TSPAN2: variants seen among roughly 807,000 people sequenced by gnomAD.
TSPAN2 encodes the protein tetraspanin-2.
Under a neutral mutation model 33.3 loss-of-function variants are expected in TSPAN2, and 24 were observed. That is an observed-to-expected ratio of 0.72 (90% CI 0.52 to 1.01). The LOEUF is 1.01. TSPAN2 is among the 50% of genes least tolerant of loss of function. The pLI is 0.00. For synonymous variants in TSPAN2, 114 were observed against 104.5 expected (o/e 1.09, Z -0.56); for missense variants, 278 against 281.3 (o/e 0.99, Z 0.08).
At chr1:115,058,805 T>C (rs1647539972) in intron 5 of TSPAN2, 78 bp downstream of exon 5, 1 of 1,233,004 alleles carries the variant, frequency 8.1e-7, no homozygotes, top group African/African-American at 1.5e-5. Flanking sequence ...TTATTTTTAA[T>C]CCTGGTGATT....
chr1:115,086,068 TC>T (rs1648820641), intron 1 of TSPAN2, among the ~76,000 whole-genome samples: 1 of 152,130 alleles, frequency 6.6e-6, no homozygotes, highest in South Asian at 2.1e-4. Flanking sequence ...TATATACTAT[TC>T]CCCACCAAGA....
intron 1 of TSPAN2, among the ~76,000 whole-genome samples, chr1:115,083,143 T>C (rs1474619997): frequency 6.6e-6 from 1 of 152,208 alleles, no homozygotes; most frequent in Non-Finnish European, 1.5e-5. Flanking sequence ...ATTCTCTCTT[T>C]AATTCCTTAG....
At chr1:115,080,100 A>C (rs1246991011) in intron 1 of TSPAN2, among the ~76,000 whole-genome samples, 1 of 152,172 alleles carries the variant, frequency 6.6e-6, no homozygotes, top group Non-Finnish European at 1.5e-5. Flanking sequence ...AGGGGAAGGA[A>C]ACTAACTTGG....
At chr1:115,085,784 C>T (rs1648809592) in intron 1 of TSPAN2, among the ~76,000 whole-genome samples, 1 of 152,092 alleles carries the variant, frequency 6.6e-6, no homozygotes, top group African/African-American at 2.4e-5. Flanking sequence ...CATGAGGTGC[C>T]TGTTTCAGTT....
intron 1 of TSPAN2, among the ~76,000 whole-genome samples, chr1:115,073,874 C>A (rs1648291140): frequency 6.6e-6 from 1 of 151,978 alleles, no homozygotes; most frequent in East Asian, 1.9e-4. Context: ...GTTGGAAGCC[C>A]TTTCTGCCAT....
At chr1:115,081,996 T>G (rs1316425176) in intron 1 of TSPAN2, among the ~76,000 whole-genome samples, 3 of 152,254 alleles carry the variant, frequency 2.0e-5, no homozygotes, top group Non-Finnish European at 4.4e-5. Flanking sequence ...TAAGACCCCA[T>G]AAGAGAAAAA....
At chr1:115,066,732 C>A (rs1647966339) in intron 2 of TSPAN2, among the ~76,000 whole-genome samples, 1 of 151,980 alleles carries the variant, frequency 6.6e-6, no homozygotes, top group South Asian at 2.1e-4. Context: ...CTTCAGTATC[C>A]CCTGAATGCA....
chr1:115,073,517 A>G (rs546840144), intron 1 of TSPAN2, among the ~76,000 whole-genome samples: 1 of 133,870 alleles, frequency 7.5e-6, no homozygotes, highest in East Asian at 2.5e-4. Flanking sequence ...CAACCTCAGA[A>G]CCCACCCACA....
intron 1 of TSPAN2, among the ~76,000 whole-genome samples, chr1:115,084,967 C>A (rs1395131553): frequency 6.6e-6 from 1 of 152,208 alleles, no homozygotes; most frequent in African/African-American, 2.4e-5. Context: ...TCCTGTGGGT[C>A]AGTAACGCTG....
At chr1:115,086,803 CT>C (rs1329509075) in intron 1 of TSPAN2, among the ~76,000 whole-genome samples, 1 of 152,118 alleles carries the variant, frequency 6.6e-6, no homozygotes, top group Admixed American at 6.5e-5. Context: ...CAGAATGGGT[CT>C]CAAATTTGAG....
rs1553219714 is a variant in TSPAN2 at position 115,079,140 on chromosome 1, CA to C, written c.70-6134del. ...TGAACACAATACAATTATAGCGCCA[CA>C]CACACACACACACACACACACACAC... On this transcript the variant is annotated intron_variant, in intron 1 of 7. Coordinates refer to ENST00000369516, the MANE Select transcript of TSPAN2 (RefSeq NM_005725.6). Among the ~76,000 whole-genome samples the C allele has an allele frequency of 9.7e-4, 40 of 41,138 alleles. 1 individual carries two copies. The highest frequency in any genetic ancestry group is 2.1e-3 in the African/African-American group (36 of 16,846). 27.0% of individuals were successfully genotyped at this position (41,138 alleles called of 152,430 possible). A position where few individuals can be genotyped will look rare whatever the true frequency, so the allele number is the denominator to read the frequency against.
In TSPAN2 at chr1:115,060,320, C is replaced by T. The variant is rs1647663708; in HGVS notation, c.345+144G>A. On this transcript the variant is annotated intron_variant, in intron 4 of 7. Transcript: ENST00000369516. The stretch of plus-strand genomic sequence containing the variant: ...CTGCACACTCATATACATATATGCT[C>T]AGTTCTGCACACCACTTCTAAGTTA... The T allele has an allele frequency of 1.4e-5, 9 of 639,038 alleles. No homozygotes were observed. The South Asian group carries it at 1.9e-4, about 13-fold the overall frequency. 39.6% of individuals were successfully genotyped at this position (639,038 alleles called of 1,614,324 possible).
At chr1:115,068,553 T>C (rs1341476849) in intron 2 of TSPAN2, among the ~76,000 whole-genome samples, 1 of 152,188 alleles carries the variant, frequency 6.6e-6, no homozygotes, top group Non-Finnish European at 1.5e-5. Flanking sequence ...GGCTGATTTA[T>C]CTGGAACCTA....
rs1357737068 is a variant in TSPAN2, at chr1:115,049,666, AC to A, written c.*823del. On this transcript the variant is annotated 3_prime_UTR_variant, in exon 8 of 8. Coordinates refer to ENST00000369516, the MANE Select transcript of TSPAN2 (RefSeq NM_005725.6). The stretch of plus-strand genomic sequence containing the variant: ...GAGGATGTGAGGGTTGCAGTAGTTT[AC>A]AGCAGGGTCAGAAAATGAAAGTAAT... 6.6e-6 allele frequency: 1 copy of A among 152,614 alleles called. No homozygotes were observed. The highest frequency in any genetic ancestry group is 1.5e-5 in the Non-Finnish European group (1 of 68,014). The allele number at this position is 152,614 out of a possible 1,614,324, so 9.5% of individuals were successfully genotyped here.
At position 115,050,218 on chromosome 1, in the gene TSPAN2, A is replaced by G; in HGVS notation, c.*272T>C. 1 of 410,294 alleles carries G rather than the reference A, an allele frequency of 2.4e-6. No individual in the cohort carries two copies. Among genetic ancestry groups the G allele is most frequent in the Non-Finnish European group, 4.3e-6 (1 of 230,014 alleles). 25.4% of individuals were successfully genotyped at this position (410,294 alleles called of 1,614,324 possible). ...TTGTTCTTCTTATATAACAAGAATC[A>G]GGAATTCCCAGCAAACAGATTTCAT... On this transcript the variant is annotated 3_prime_UTR_variant, in exon 8 of 8. Coordinates refer to ENST00000369516, the MANE Select transcript of TSPAN2 (RefSeq NM_005725.6).
chr1:115,084,466 C>T (rs564575812), intron 1 of TSPAN2, among the ~76,000 whole-genome samples: 4 of 152,212 alleles, frequency 2.6e-5, no homozygotes, highest in Non-Finnish European at 5.9e-5. Context: ...CGAGGTCTAC[C>T]GGAACCCTGG....
At chr1:115,074,021 G>C (rs143172777) in intron 1 of TSPAN2, among the ~76,000 whole-genome samples, 30 of 152,270 alleles carry the variant, frequency 2.0e-4, no homozygotes, top group African/African-American at 7.2e-4. Flanking sequence ...GGCACCATGG[G>C]AAAGTAAGCA....
intron 4 of TSPAN2, among the ~76,000 whole-genome samples, chr1:115,060,201 A>T (rs2101027801): frequency 6.6e-6 from 1 of 151,860 alleles, no homozygotes; most frequent in South Asian, 2.1e-4. Flanking sequence ...TAAATTAGAG[A>T]TCCTTTTTTT....
chr1:115,056,168 G>A (rs1254485809), intron 6 of TSPAN2, among the ~76,000 whole-genome samples: 1 of 152,198 alleles, frequency 6.6e-6, no homozygotes, highest in Non-Finnish European at 1.5e-5. Context: ...CAATTTCATA[G>A]ATTAAACAAC....
Sources: gnomAD v4.1 joint callset for allele counts (sites outside exome capture counted in the v4.1 genomes callset) on GRCh38, gnomAD v4.1.1 for gene constraint, MANE v1.5 for transcripts, NCBI Gene and HGNC (gene_info 2026-07-23, HGNC 2026-07-21) for gene names.